The following LPO variants were observed in gnomAD, a reference collection of about 807,000 sequenced individuals.
LPO encodes the protein lactoperoxidase.
Under a neutral mutation model 68.4 loss-of-function variants are expected in LPO, and 70 were observed. That is an observed-to-expected ratio of 1.02 (90% CI 0.84 to 1.25). The LOEUF is 1.25. LPO is among the 50% of genes most tolerant of loss of function. The pLI, the probability that LPO is intolerant of heterozygous loss-of-function variation, is 0.00. For missense variants in LPO, 873 were observed against 908.4 expected (o/e 0.96, Z 0.50); for synonymous variants, 360 against 357.6 (o/e 1.01, Z -0.08).
intron 6 of LPO, among the ~76,000 whole-genome samples, 156 bp downstream of exon 6, chr17:58,249,851 AGAGCTCG>A (rs1969925185): frequency 2.0e-5 from 3 of 152,014 alleles, no homozygotes; most frequent in African/African-American, 4.8e-5. Context: ...AGAGGGCAGC[AGAGCTCG>A]GAGCCCGGAG....
Position 58,249,108 on chromosome 17 carries a change from C to G in LPO, c.374C>G (p.Ala125Gly). The change falls in exon 5 of 13, where the codon GCT (alanine) becomes GGT (glycine). Residue 125 changes from alanine to glycine, a missense_variant. Ala to Gly is a moderately conservative substitution (Grantham distance 60). Transcript: ENST00000262290. ...CTGTCTCTGGAGGTGGGCTGTGGTG[C>G]TCCTGCTCCCGTGGTGAGATGCGAC... Reference protein sequence around the residue: ...TSLSLEVGCGAPAPVVRCDPC... With the variant: ...TSLSLEVGCGGPAPVVRCDPC... The G allele has an allele frequency of 6.2e-7, 1 of 1,614,210 alleles. No individual in the cohort carries two copies. The highest frequency in any genetic ancestry group is 1.1e-5 in the South Asian group (1 of 91,080).
intron 8 of LPO, among the ~76,000 whole-genome samples, chr17:58,253,103 C>T (rs1375068802): frequency 6.6e-6 from 1 of 151,540 alleles, no homozygotes; most frequent in Admixed American, 6.6e-5. Context: ...CCACTACCCA[C>T]CAATAATCAT....
Position 58,257,275 on chromosome 17 carries a change from G to GC in LPO, c.1266+2310dup, listed in dbSNP as rs1336049986. 4.6e-5 allele frequency among the ~76,000 whole-genome samples: 7 copies of GC among 151,756 alleles called. No homozygotes were observed. In the South Asian group the frequency reaches 1.5e-3, roughly 32 times the overall value. On this transcript the variant is annotated intron_variant, in intron 9 of 12. Transcript: ENST00000262290. ...GTACCCACCAACCATCTCCACCTCC[G>GC]CCCCCCACAGCCCCTCATTACCCTT...
chr17:58,246,989 G>T (rs1969862691), intron 3 of LPO, among the ~76,000 whole-genome samples: 1 of 152,216 alleles, frequency 6.6e-6, no homozygotes, highest in Admixed American at 6.5e-5. Flanking sequence ...GTGGCAGTCA[G>T]GAGCCAATCC....
intron 9 of LPO, among the ~76,000 whole-genome samples, chr17:58,256,693 A>G (rs949109051): frequency 1.3e-5 from 2 of 151,948 alleles, no homozygotes; most frequent in Non-Finnish European, 2.9e-5. Context: ...ATGCGCCTGT[A>G]GTCCCAGCTA....
At chr17:58,250,692 A>C in intron 7 of LPO, 71 bp downstream of exon 7, 316 of 1,460,044 alleles carry the variant, frequency 2.2e-4, no homozygotes, top group Non-Finnish European at 2.7e-4. Flanking sequence ...TTCCCAGCTC[A>C]TCAGCTAGGA....
Position 58,250,536 on chromosome 17 carries a change from C to T in LPO, c.695C>T (p.Pro232Leu). ...QIVDHDLDFA[P>L]DTELGSSEYS... ...GTGGATCATGACCTGGACTTTGCCC[C>T]TGACACCGAGCTGGGGAGTAGCGAG... The change falls in exon 7 of 13, where the codon CCT (proline) becomes CTT (leucine). Residue 232 changes from proline (P) to leucine (L), a missense_variant. By Grantham distance (98) the Pro-to-Leu change is moderately conservative. Transcript: ENST00000262290. The T allele has an allele frequency of 6.2e-7, 1 of 1,614,142 alleles. No individual in the cohort carries two copies. Among genetic ancestry groups the T allele is most frequent in the Non-Finnish European group, 8.5e-7 (1 of 1,180,030 alleles).
intron 8 of LPO, among the ~76,000 whole-genome samples, chr17:58,254,346 G>A (rs8178350): frequency 0.14 from 20,530 of 151,904 alleles, 1,342 homozygotes; most frequent in Middle Eastern, 0.16. Context: ...ATTACCCAGA[G>A]GAACTCAGCC....
At chr17:58,256,115 G>A (rs1002520217) in intron 9 of LPO, among the ~76,000 whole-genome samples, 1 of 152,108 alleles carries the variant, frequency 6.6e-6, no homozygotes, top group Non-Finnish European at 1.5e-5. Flanking sequence ...TATCCGAGAT[G>A]GGCTTTTTTC....
chr17:58,253,928 T>C (rs1598026595), intron 8 of LPO, among the ~76,000 whole-genome samples: 1 of 151,650 alleles, frequency 6.6e-6, no homozygotes, highest in Non-Finnish European at 1.5e-5. Flanking sequence ...CTGGGCAACA[T>C]AGCAAGACCC....
chr17:58,244,384 C>T (rs1204500675), intron 3 of LPO: 7 of 389,148 alleles, frequency 1.8e-5, no homozygotes, highest in Non-Finnish European at 2.8e-5. Flanking sequence ...TCCAGAGTCC[C>T]AGAAAGCCTC....
intron 9 of LPO, among the ~76,000 whole-genome samples, chr17:58,262,249 T>C (rs528035456): frequency 6.6e-6 from 1 of 152,360 alleles, no homozygotes; most frequent in South Asian, 2.1e-4. Context: ...TTATTTCTCC[T>C]TTATTCCTGA....
intron 11 of LPO, 76 bp from the exon 12 acceptor site, chr17:58,267,273 G>T: frequency 9.0e-7 from 1 of 1,113,218 alleles, no homozygotes; most frequent in Non-Finnish European, 1.3e-6. Flanking sequence ...TGATAGAGCT[G>T]GAGTGGACAT....
At position 58,265,411 on chromosome 17, in the gene LPO, T is replaced by C. The variant is rs548776400; in HGVS notation, c.1519+437T>C. On this transcript the variant is annotated intron_variant, in intron 10 of 12. Coordinates refer to ENST00000262290, the MANE Select transcript of LPO (RefSeq NM_006151.3). ...TGCCAGAGGTTGGACCCAACTTTCC[T>C]TTATCCCTAGGCTATGTTGTGTTGA... Among the ~76,000 whole-genome samples the C allele has an allele frequency of 3.3e-5, 5 of 152,208 alleles. No individual in the cohort carries two copies. In the South Asian group the frequency reaches 8.3e-4, roughly 25 times the overall value.
intron 6 of LPO, among the ~76,000 whole-genome samples, chr17:58,249,900 C>A (rs1180181473): frequency 1.3e-5 from 2 of 152,254 alleles, no homozygotes; most frequent in African/African-American, 2.4e-5. Context: ...TTCTGGCCGC[C>A]GCAGGCCAGA....
Position 58,268,297 on chromosome 17 carries a change from C to T in LPO, c.*303C>T. On this transcript the variant is annotated 3_prime_UTR_variant, in exon 13 of 13. Coordinates refer to ENST00000262290, the MANE Select transcript of LPO (RefSeq NM_006151.3). ...CCCTCCACAAGTCTTGGCCCTTAACCTTTATCTTTCTTCCTGTCCTCTCAC... is the reference window on the plus strand; with the variant it reads ...CCCTCCACAAGTCTTGGCCCTTAACTTTTATCTTTCTTCCTGTCCTCTCAC... The T allele has an allele frequency of 2.5e-6, 1 of 395,576 alleles. No homozygotes were observed. The highest frequency in any genetic ancestry group is 4.7e-6 in the Non-Finnish European group (1 of 212,862). The allele number at this position is 395,576 out of a possible 1,614,324, so 24.5% of individuals were successfully genotyped here.
At chr17:58,266,452 GT>G (rs369249756) in intron 11 of LPO, 126 bp downstream of exon 11, 55 of 1,055,634 alleles carry the variant, frequency 5.2e-5, no homozygotes, top group East Asian at 7.9e-5. Context: ...AGTCAGGCCA[GT>G]TTTTTTTGTT....
rs1176440905 is a variant in LPO at position 58,266,153 on chromosome 17, G to A, written c.1520G>A (p.Gly507Asp). The change falls in exon 11 of 13, where the codon GGT (glycine) becomes GAT (aspartate). Residue 507 changes from glycine (G) to aspartate (D), a missense_variant and splice_region_variant. By Grantham distance (94) the Gly-to-Asp change is moderately conservative. Coordinates refer to ENST00000262290, the MANE Select transcript of LPO (RefSeq NM_006151.3). ...ATGGCTTCTGGGTCTCCCTTGGCAG[G>A]TGGAATTGATCCTCTGGTGCGGGGC... Reference protein sequence around the residue: ...FFNTWRMVKDGGIDPLVRGLL... With the variant: ...FFNTWRMVKDDGIDPLVRGLL... 2 of 1,613,668 alleles carry A rather than the reference G, an allele frequency of 1.2e-6. No individual in the cohort carries two copies. The highest frequency in any genetic ancestry group is 2.7e-5 in the African/African-American group (2 of 74,902).
chr17:58,268,349 A>T lies in LPO; in HGVS notation c.*355A>T. 3.5e-6 allele frequency: 1 copy of T among 288,376 alleles called. No individual in the cohort carries two copies. The highest frequency in any genetic ancestry group is 4.9e-5 in the Admixed American group (1 of 20,394). The allele number at this position is 288,376 out of a possible 1,614,324, so 17.9% of individuals were successfully genotyped here. ...TAGATTGTAAGCTCCCTGGGCCAGG[A>T]CTTCAGCCTGCCTCCGAGGGTCCCC... On this transcript the variant is annotated 3_prime_UTR_variant, in exon 13 of 13. Coordinates refer to ENST00000262290, the MANE Select transcript of LPO (RefSeq NM_006151.3).
Sources: allele counts gnomAD v4.1 joint callset (sites outside exome capture counted in the v4.1 genomes callset), GRCh38; gene constraint gnomAD v4.1.1; transcripts MANE v1.5; gene names NCBI Gene and HGNC (gene_info 2026-07-23, HGNC 2026-07-21).